Variants in LRATD1 observed in about 807,000 individuals in gnomAD.
The protein encoded by LRATD1 is protein LRATD1.
LRATD1 carries 8 observed loss-of-function variants against 21.3 expected under a neutral mutation model. The ratio of observed to expected loss-of-function variants is 0.38; its 90% CI spans 0.22 to 0.68. The LOEUF (loss-of-function observed/expected upper bound fraction) is 0.68. Ranked by LOEUF, LRATD1 falls within the 30% of genes least tolerant of loss-of-function variation. The pLI is 0.54. For missense variants in LRATD1, 380 were observed against 404.0 expected (o/e 0.94, Z 0.51); for synonymous variants, 210 against 186.2 (o/e 1.13, Z -1.04).
chr2:14,644,286 C>T (rs1035500333), downstream of LRATD1, among the ~76,000 whole-genome samples: 1 of 152,008 alleles, frequency 6.6e-6, no homozygotes, highest in African/African-American at 2.4e-5. Flanking sequence ...AGGTATACAT[C>T]AGCTTCAAAA....
chr2:14,634,904 C>A lies in LRATD1; in HGVS notation c.*46C>A. Reference sequence around the variant, plus strand: ...CCTCTGCCTCCCCCGCACCTCGCTCCCTTCCCTTCCCCGCACCCGGACTTC... The same window carrying A: ...CCTCTGCCTCCCCCGCACCTCGCTCACTTCCCTTCCCCGCACCCGGACTTC... On this transcript the variant is annotated 3_prime_UTR_variant, in exon 2 of 2. Coordinates refer to ENST00000295092, the MANE Select transcript of LRATD1 (RefSeq NM_145175.4). 6.4e-7 allele frequency: 1 copy of A among 1,564,250 alleles called. No individual in the cohort carries two copies. The highest frequency in any genetic ancestry group is 1.2e-5 in the South Asian group (1 of 85,974).
At position 14,634,691 on chromosome 2, in the gene LRATD1, C is replaced by T; in HGVS notation, c.712C>T (p.Pro238Ser). 2 of 1,546,954 alleles carry T rather than the reference C, an allele frequency of 1.3e-6. No homozygotes were observed. The highest frequency in any genetic ancestry group is 1.7e-6 in the Non-Finnish European group (2 of 1,145,522). ...AGGGGAGGTGCCGGCAGGCACGCAGCCCCCGCAGCAGCAGTACTATCTCAA... is the reference window on the plus strand; with the variant it reads ...AGGGGAGGTGCCGGCAGGCACGCAGTCCCCGCAGCAGCAGTACTATCTCAA... The part of the protein sequence containing the change: ...AGGEVPAGTQ[P>S]PQQQYYLKVH... Residue 238 changes from proline to serine, a missense_variant, in exon 2 of 2, where the codon CCC becomes TCC. Transcript: ENST00000295092.
chr2:14,633,939 C>G lies in LRATD1; in HGVS notation c.-36-5C>G. The G allele has an allele frequency of 6.3e-7, 1 of 1,583,704 alleles. No individual in the cohort carries two copies. The highest frequency in any genetic ancestry group is 8.6e-7 in the Non-Finnish European group (1 of 1,161,838). On this transcript the variant is annotated splice_polypyrimidine_tract_variant and splice_region_variant and intron_variant, in intron 1 of 1. Coordinates refer to ENST00000295092, the MANE Select transcript of LRATD1 (RefSeq NM_145175.4). This position sits in a 1 kb window ranked among gnomAD's most constrained non-coding sequence, Gnocchi z 7.5. ...CGGTGTCTCTGCCTCTCTGTGCCTC[C>G]GCAGATCCCCGCTCCTGGCCCTCGC...
chr2:14,648,907 AT>A (rs1671941477), intron 4 of LRATD1, among the ~76,000 whole-genome samples: 1 of 152,156 alleles, frequency 6.6e-6, no homozygotes. Context: ...TCCCACATTT[AT>A]TCATGAAGGT....
chr2:14,651,530 C>T (rs1414333034), downstream of LRATD1, among the ~76,000 whole-genome samples: 1 of 152,136 alleles, frequency 6.6e-6, no homozygotes, highest in Non-Finnish European at 1.5e-5. Flanking sequence ...TCTCTGTAAC[C>T]ACAATTCCCA....
Position 14,634,008 on chromosome 2 carries a change from A to G in LRATD1, c.29A>G (p.His10Arg). 1 of 1,613,702 alleles carries G rather than the reference A, an allele frequency of 6.2e-7. No homozygotes were observed. Among genetic ancestry groups the G allele is most frequent in the African/African-American group, 1.3e-5 (1 of 75,026 alleles). MGNQLDRIT[H>R]LNYSELPTGD... ...GGCAACCAACTGGACCGCATCACCC[A>G]CCTCAACTACAGCGAGTTGCCCACA... The change falls in exon 2 of 2, where the codon CAC becomes CGC. Residue 10 changes from histidine to arginine, a missense_variant. Transcript: ENST00000295092.
chr2:14,641,603 G>A (rs553590804), downstream of LRATD1, among the ~76,000 whole-genome samples: 1 of 152,240 alleles, frequency 6.6e-6, no homozygotes, highest in South Asian at 2.1e-4. Flanking sequence ...TCTAACCACA[G>A]AATCATCACT....
At chr2:14,645,432 G>C (rs1243610981) in intron 2 of LRATD1, among the ~76,000 whole-genome samples, 1 of 152,166 alleles carries the variant, frequency 6.6e-6, no homozygotes. Flanking sequence ...CTGACTTTAT[G>C]CATTTATTTT....
At chr2:14,643,585 G>T (rs1381270483), downstream of LRATD1, among the ~76,000 whole-genome samples, 1 of 152,168 alleles carries the variant, frequency 6.6e-6, no homozygotes, top group Non-Finnish European at 1.5e-5. Flanking sequence ...TTTCACTTGT[G>T]TGGAGCATTC....
downstream of LRATD1, among the ~76,000 whole-genome samples, chr2:14,641,358 G>A (rs1287447571): frequency 6.6e-6 from 1 of 151,864 alleles, no homozygotes; most frequent in East Asian, 1.9e-4. Flanking sequence ...GTGCGGGTGG[G>A]TAGGTGTTTC....
chr2:14,650,817 C>A (rs750929727), downstream of LRATD1: 6 of 152,038 alleles, frequency 3.9e-5, no homozygotes, highest in South Asian at 8.3e-4. Context: ...TGGATAGATT[C>A]TTTTTTCTTT....
rs1671676775 is a variant in LRATD1, at chr2:14,635,780, A to G, written c.*922A>G. On this transcript the variant is annotated 3_prime_UTR_variant, in exon 2 of 2. Transcript: ENST00000295092. The stretch of plus-strand genomic sequence containing the variant: ...CTCGGGCTGCATTTCAAAAATAGTC[A>G]TATTTTTAAAGGAGTTGGAGGAGAG... 1 of 379,606 alleles carries G rather than the reference A, an allele frequency of 2.6e-6. No individual in the cohort carries two copies. Among genetic ancestry groups the G allele is most frequent in the Non-Finnish European group, 5.4e-6 (1 of 184,856 alleles). The allele number at this position is 379,606 out of a possible 1,614,324, so 23.5% of individuals were successfully genotyped here.
rs757976936 is a variant in LRATD1 at position 14,634,909 on chromosome 2, C to T, written c.*51C>T. The T allele has an allele frequency of 6.4e-7, 1 of 1,558,106 alleles. No individual in the cohort carries two copies. Among genetic ancestry groups the T allele is most frequent in the East Asian group, 2.3e-5 (1 of 43,234 alleles). On this transcript the variant is annotated 3_prime_UTR_variant, in exon 2 of 2. Coordinates refer to ENST00000295092, the MANE Select transcript of LRATD1 (RefSeq NM_145175.4). ...GCCTCCCCCGCACCTCGCTCCCTTCCCTTCCCCGCACCCGGACTTCGCAGT... is the reference window on the plus strand; with the variant it reads ...GCCTCCCCCGCACCTCGCTCCCTTCTCTTCCCCGCACCCGGACTTCGCAGT...
chr2:14,644,832 G>T (rs973957596), downstream of LRATD1, among the ~76,000 whole-genome samples: 4 of 152,124 alleles, frequency 2.6e-5, no homozygotes, highest in African/African-American at 9.7e-5. Flanking sequence ...TAAAGAGAAA[G>T]AACAAGCAGG....
At chr2:14,645,803 A>T (rs1163111723) in intron 2 of LRATD1, among the ~76,000 whole-genome samples, 2 of 152,206 alleles carry the variant, frequency 1.3e-5, no homozygotes, top group Admixed American at 1.3e-4. Flanking sequence ...TAACGCAAGG[A>T]GGCAACTAAG....
rs768614703 is a variant in LRATD1 at position 14,635,684 on chromosome 2, C to G, written c.*826C>G. ...CCCCGCCCCCGACAAGGAGCTCGCT[C>G]GTTCACCTGGTGTCTGGGAACTTGA... is the stretch of plus-strand genomic sequence containing the variant. On this transcript the variant is annotated 3_prime_UTR_variant, in exon 2 of 2. Transcript: ENST00000295092. 7 of 460,270 alleles carry G rather than the reference C, an allele frequency of 1.5e-5. No homozygotes were observed. In the East Asian group the frequency reaches 2.1e-4, roughly 14 times the overall value. 28.5% of individuals were successfully genotyped at this position (460,270 alleles called of 1,614,324 possible).
Position 14,633,825 on chromosome 2 carries a change from T to A in LRATD1, c.-36-119T>A. 1 of 1,021,762 alleles carries A rather than the reference T, an allele frequency of 9.8e-7. No homozygotes were observed. The highest frequency in any genetic ancestry group is 1.7e-5 in the South Asian group (1 of 59,110). The allele number at this position is 1,021,762 out of a possible 1,614,324, so 63.3% of individuals were successfully genotyped here. ...GGAGGACTCGGCTGGAAAGGGTGAC[T>A]CCGGTGAGGGCACGTAAGCTAGCCG... On this transcript the variant is annotated intron_variant, in intron 1 of 1. Coordinates refer to ENST00000295092, the MANE Select transcript of LRATD1 (RefSeq NM_145175.4). This position sits in a 1 kb window ranked among gnomAD's most constrained non-coding sequence, Gnocchi z 7.5.
rs1671639152 is a variant in LRATD1, at chr2:14,634,650, G to C, written c.671G>C (p.Arg224Pro). 3 of 1,553,450 alleles carry C rather than the reference G, an allele frequency of 1.9e-6. No homozygotes were observed. Among genetic ancestry groups the C allele is most frequent in the Non-Finnish European group, 2.6e-6 (3 of 1,147,466 alleles). ...SFAAWCRFGK[R>P]EFKAGGEVPA... Reference sequence around the variant, plus strand: ...GCCGCCTGGTGCCGCTTTGGCAAGCGGGAGTTCAAGGCGGGAGGGGAGGTG... The same window carrying C: ...GCCGCCTGGTGCCGCTTTGGCAAGCCGGAGTTCAAGGCGGGAGGGGAGGTG... The change falls in exon 2 of 2, where the codon CGG becomes CCG. Residue 224 changes from arginine (R) to proline (P), a missense_variant. Transcript: ENST00000295092.
At position 14,639,610 on chromosome 2, in the gene LRATD1, T is replaced by C. The variant is rs547535284; in HGVS notation, c.*4752T>C. 6.0e-6 allele frequency: 1 copy of C among 167,082 alleles called. No homozygotes were observed. Among genetic ancestry groups the C allele is most frequent in the African/African-American group, 2.4e-5 (1 of 41,460 alleles). The allele number at this position is 167,082 out of a possible 1,614,324, so 10.3% of individuals were successfully genotyped here. A position where few individuals can be genotyped will look rare whatever the true frequency, so the allele number is the denominator to read the frequency against. On this transcript the variant is annotated 3_prime_UTR_variant, in exon 2 of 2. Coordinates refer to ENST00000295092, the MANE Select transcript of LRATD1 (RefSeq NM_145175.4). ...AAGAGGTTTAAGTATTTGAATAAGT[T>C]GGGAAAAAAAGGAAAAATAGTCTTC...
Sources: gnomAD v4.1 joint callset for allele counts (sites outside exome capture counted in the v4.1 genomes callset) on GRCh38, gnomAD v4.1.1 for gene constraint, Gnocchi (gnomAD v3.1) non-coding constraint, MANE v1.5 for transcripts, NCBI Gene and HGNC (gene_info 2026-07-23, HGNC 2026-07-21) for gene names.